WWOX: variants seen among roughly 807,000 people sequenced by gnomAD.
WWOX encodes WW domain containing oxidoreductase.
In WWOX, 69 loss-of-function variants were observed where a neutral mutation model predicts 46.2. The observed-to-expected ratio is 1.49, with a 90% CI of 1.23 to 1.82. The LOEUF is 1.82. WWOX is among the 40% of genes most tolerant of loss of function. WWOX has a pLI of 0.00. For missense variants in WWOX, 919 were observed against 542.6 expected (o/e 1.69, Z -6.89); for synonymous variants, 359 against 202.6 (o/e 1.77, Z -6.56).
chr16:78,550,762 A>G (rs967845231), intron 8 of WWOX: 19 of 152,090 alleles, frequency 1.2e-4, no homozygotes, highest in African/African-American at 4.6e-4. Flanking sequence ...TGGAGATGAT[A>G]CGCTTTTCCA....
chr16:78,492,937 A>C (rs1317559438), intron 8 of WWOX, among the ~76,000 whole-genome samples: 1 of 152,176 alleles, frequency 6.6e-6, no homozygotes, highest in African/African-American at 2.4e-5. Context: ...CTAATCAATC[A>C]GTCATGCTTA....
chr16:79,149,790 T>C (rs1449756623), intron 8 of WWOX, among the ~76,000 whole-genome samples: 1 of 152,200 alleles, frequency 6.6e-6, no homozygotes, highest in Non-Finnish European at 1.5e-5. Flanking sequence ...TTGCTTGGTA[T>C]ACATCACTCA....
intron 5 of WWOX, among the ~76,000 whole-genome samples, chr16:78,239,774 A>G (rs1255291604): frequency 6.6e-6 from 1 of 151,938 alleles, no homozygotes; most frequent in South Asian, 2.1e-4. Context: ...ACCTCAGGTG[A>G]TCCGCCAGTC....
At chr16:78,481,303 A>G (rs759348215) in intron 8 of WWOX, among the ~76,000 whole-genome samples, 2 of 151,904 alleles carry the variant, frequency 1.3e-5, no homozygotes, top group Admixed American at 1.3e-4. Flanking sequence ...TTTTAAAAAG[A>G]CTCTGTGGCC....
chr16:78,827,038 T>A (rs7189479), intron 8 of WWOX, among the ~76,000 whole-genome samples: 47,047 of 151,972 alleles, frequency 0.31, 7,531 homozygotes, highest in Middle Eastern at 0.45. Flanking sequence ...CCACATGTTA[T>A]AGATGGTGCA....
In WWOX at chr16:79,084,632, C is replaced by A. The variant is rs140917970; in HGVS notation, c.1057-126976C>A. ...GTTTCACCATATTGGTCAGACTGGTCTTGGACTCCTGGCCTCGTGATGCAC... is the reference window on the plus strand; with the variant it reads ...GTTTCACCATATTGGTCAGACTGGTATTGGACTCCTGGCCTCGTGATGCAC... On this transcript the variant is annotated intron_variant, in intron 8 of 8. Coordinates refer to ENST00000566780, the MANE Select transcript of WWOX (RefSeq NM_016373.4). Among the ~76,000 whole-genome samples, 7 of 152,300 alleles carry A rather than the reference C, an allele frequency of 4.6e-5. No homozygotes were observed. In the East Asian group the frequency reaches 1.4e-3, roughly 29 times the overall value.
intron 8 of WWOX, among the ~76,000 whole-genome samples, chr16:78,910,453 C>A (rs2045079829): frequency 6.6e-6 from 1 of 151,624 alleles, no homozygotes; most frequent in South Asian, 2.1e-4. Context: ...CCTTGTTCAT[C>A]CGTATTAGAA....
chr16:78,213,938 C>T (rs931862716), intron 5 of WWOX, among the ~76,000 whole-genome samples: 1 of 152,122 alleles, frequency 6.6e-6, no homozygotes, highest in African/African-American at 2.4e-5. Flanking sequence ...GAGCATGTCA[C>T]GCTGTGGCCC....
At chr16:78,848,543 G>C (rs13335801) in intron 8 of WWOX, among the ~76,000 whole-genome samples, 60,555 of 151,994 alleles carry the variant, frequency 0.4, 12,733 homozygotes, top group African/African-American at 0.54. Flanking sequence ...AGTCCTTTAT[G>C]TGGTGTTGCC....
At chr16:78,421,842 GC>G (rs1395553843) in intron 6 of WWOX, among the ~76,000 whole-genome samples, 1 of 152,082 alleles carries the variant, frequency 6.6e-6, no homozygotes, top group Non-Finnish European at 1.5e-5. Context: ...AATTTTTGCT[GC>G]CCCTGCTACA....
chr16:78,724,493 C>T (rs539767355), intron 8 of WWOX, among the ~76,000 whole-genome samples: 4 of 152,200 alleles, frequency 2.6e-5, no homozygotes, highest in African/African-American at 9.6e-5. Context: ...TAAATGTTTA[C>T]GGTTACTGAT....
At chr16:79,002,700 G>A (rs1030228470) in intron 8 of WWOX, among the ~76,000 whole-genome samples, 6 of 152,254 alleles carry the variant, frequency 3.9e-5, no homozygotes, top group Non-Finnish European at 1.5e-5. Flanking sequence ...GAGGGACTGT[G>A]CCTATTCCCA....
At chr16:78,584,961 T>C (rs1159734950) in intron 8 of WWOX, among the ~76,000 whole-genome samples, 1 of 152,206 alleles carries the variant, frequency 6.6e-6, no homozygotes, top group Non-Finnish European at 1.5e-5. Flanking sequence ...TCCCAACAAC[T>C]GAGGTGCCTG....
chr16:79,185,457 A>G (rs1168747578), intron 8 of WWOX, among the ~76,000 whole-genome samples: 1 of 151,784 alleles, frequency 6.6e-6, no homozygotes, highest in Non-Finnish European at 1.5e-5. Context: ...TTTAACAATT[A>G]CTTTTGGACA....
At chr16:79,143,867 C>T (rs2050135860) in intron 8 of WWOX, among the ~76,000 whole-genome samples, 1 of 152,098 alleles carries the variant, frequency 6.6e-6, no homozygotes, top group South Asian at 2.1e-4. Context: ...CAGCTAGCCA[C>T]CATGTTATAC....
At chr16:79,116,672 C>T (rs541568563) in intron 8 of WWOX, among the ~76,000 whole-genome samples, 6 of 152,256 alleles carry the variant, frequency 3.9e-5, no homozygotes, top group African/African-American at 1.2e-4. Flanking sequence ...GACTTACTTC[C>T]TCCACTAACT....
chr16:78,387,065 A>G, intron 6 of WWOX, 117 bp downstream of exon 6: 1 of 1,020,376 alleles, frequency 9.8e-7, no homozygotes, highest in East Asian at 2.4e-5. Context: ...TCCAAACAGG[A>G]GGCTCATTTA....
intron 8 of WWOX, chr16:79,016,579 T>C (rs887679884): frequency 1.3e-5 from 2 of 152,294 alleles, no homozygotes; most frequent in Non-Finnish European, 2.9e-5. Flanking sequence ...CACGCCACCA[T>C]GCCCACCTAA....
At chr16:79,090,738 C>G (rs879500076) in intron 8 of WWOX, among the ~76,000 whole-genome samples, 37 of 152,300 alleles carry the variant, frequency 2.4e-4, no homozygotes, top group Admixed American at 9.2e-4. Flanking sequence ...GGCATGCCAC[C>G]AAGGCCAGGA....
Sources: gnomAD v4.1 joint callset for allele counts (sites outside exome capture counted in the v4.1 genomes callset) on GRCh38, gnomAD v4.1.1 for gene constraint, MANE v1.5 for transcripts, NCBI Gene and HGNC (gene_info 2026-07-23, HGNC 2026-07-21) for gene names.